Variants in GPX5 observed in about 807,000 individuals in gnomAD.
GPX5 encodes epididymal secretory glutathione peroxidase.
GPX5 carries 20 observed loss-of-function variants against 23.8 expected under a neutral mutation model. The ratio of observed to expected loss-of-function variants is 0.84; its 90% CI spans 0.59 to 1.22. GPX5 has a LOEUF of 1.22. Ranked by LOEUF, GPX5 falls within the 50% of genes most tolerant of loss-of-function variation. The pLI is 0.00. For synonymous variants in GPX5, 92 were observed against 99.5 expected (o/e 0.92, Z 0.45); for missense variants, 230 against 266.6 (o/e 0.86, Z 0.96).
chr6:28,527,634 A>C (rs547228466), intron 1 of GPX5: 1 of 152,356 alleles, frequency 6.6e-6, no homozygotes, highest in South Asian at 2.1e-4. Flanking sequence ...TTGTCTGGAC[A>C]TTCCTTATCA....
At position 28,534,356 on chromosome 6, in the gene GPX5, C is replaced by A; in HGVS notation, c.*189C>A. ...ACAAACTAGATTTATATTTGGAAGG[C>A]TACTGCTCTTTTGCCTCTCAAGAGT... is the stretch of plus-strand genomic sequence containing the variant. On this transcript the variant is annotated 3_prime_UTR_variant, in exon 5 of 5. Coordinates refer to ENST00000412168, the MANE Select transcript of GPX5 (RefSeq NM_001509.3). 1 of 461,284 alleles carries A rather than the reference C, an allele frequency of 2.2e-6. No homozygotes were observed. The highest frequency in any genetic ancestry group is 3.4e-5 in the East Asian group (1 of 29,808). 28.6% of individuals were successfully genotyped at this position (461,284 alleles called of 1,614,324 possible). A position where few individuals can be genotyped will look rare whatever the true frequency, so the allele number is the denominator to read the frequency against.
At chr6:28,531,379 AAAAAAAAAAAAAAAG>A (rs1763311699) in intron 2 of GPX5, among the ~76,000 whole-genome samples, 1 of 132,274 alleles carries the variant, frequency 7.6e-6, no homozygotes, top group African/African-American at 2.9e-5. Context: ...TCAAAAAAAA[AAAAAAAAAAAAAAAG>A]AAAAGAAAAG....
chr6:28,533,462 T>A (rs1224475930), intron 4 of GPX5, among the ~76,000 whole-genome samples: 1 of 152,222 alleles, frequency 6.6e-6, no homozygotes, highest in Non-Finnish European at 1.5e-5. Flanking sequence ...AGGACTTCCC[T>A]TTATTCACAA....
chr6:28,532,277 T>C, intron 3 of GPX5, 44 bp from the exon 4 acceptor site: 1 of 1,155,496 alleles, frequency 8.7e-7, no homozygotes, highest in Non-Finnish European at 1.2e-6. Flanking sequence ...TAATCTTTAC[T>C]TGCATATCCT....
At chr6:28,528,846 T>TGGTACA (rs1763258662) in intron 1 of GPX5, among the ~76,000 whole-genome samples, 1 of 10,944 alleles carries the variant, frequency 9.1e-5, no homozygotes, top group African/African-American at 7.6e-4. Flanking sequence ...TATATATATA[T>TGGTACA]ATATATATAT....
rs58554303 is a variant in GPX5, at chr6:28,531,790, T to C, written c.254T>C (p.Leu85Pro). 35,033 of 1,610,770 alleles carry C rather than the reference T, an allele frequency of 0.022. 461 individuals are homozygous for C. The highest frequency in any genetic ancestry group is 0.027 in the Non-Finnish European group (31,364 of 1,178,090). ...LTAQYPELNA[L>P]QEELKPYGLV... ...CCTCTAACTGCAGAACTAAATGCAC[T>C]CCAGGAGGAGCTGAAGCCCTATGGT... The change falls in exon 3 of 5, where the codon CTC becomes CCC. Residue 85 changes from leucine (L) to proline (P), a missense_variant. Transcript: ENST00000412168.
At chr6:28,529,705 A>C (rs1231323767) in intron 2 of GPX5, 101 bp downstream of exon 2, 1 of 925,928 alleles carries the variant, frequency 1.1e-6, no homozygotes, top group Non-Finnish European at 1.5e-6. Context: ...TTATGTACCA[A>C]AATAAATACT....
At chr6:28,531,938 T>C (rs1480657239) in intron 3 of GPX5, 43 bp downstream of exon 3, 1 of 1,375,332 alleles carries the variant, frequency 7.3e-7, no homozygotes, top group South Asian at 1.2e-5. Context: ...CCTGTGTACC[T>C]TTCCTCAGTC....
At chr6:28,529,738 C>T in intron 2 of GPX5, 134 bp downstream of exon 2, 1 of 789,088 alleles carries the variant, frequency 1.3e-6, no homozygotes, top group Non-Finnish European at 1.9e-6. Flanking sequence ...ACTTCATCCT[C>T]CATATCAGAA....
chr6:28,529,405 C>T (rs1763269609), intron 1 of GPX5, 46 bp from the exon 2 acceptor site: 1 of 1,469,360 alleles, frequency 6.8e-7, no homozygotes, highest in African/African-American at 1.4e-5. Flanking sequence ...ACACAGATGC[C>T]AGGAATTATT....
chr6:28,531,381 AAAAAAAAAAAAAGAAAAGAAAAG>A (rs1202728790), intron 2 of GPX5, among the ~76,000 whole-genome samples: 5 of 134,340 alleles, frequency 3.7e-5, no homozygotes, highest in Non-Finnish European at 7.8e-5. Flanking sequence ...AAAAAAAAAA[AAAAAAAAAAAAAGAAAAGAAAAG>A]AAAAGAAAAG....
chr6:28,533,914 C>A, intron 4 of GPX5, 47 bp from the exon 5 acceptor site: 1 of 1,303,808 alleles, frequency 7.7e-7, no homozygotes, highest in Admixed American at 2.4e-5. Context: ...CTGGATCATC[C>A]AGGAGCAGAA....
chr6:28,534,307 A>G lies in GPX5; in HGVS notation c.*140A>G. 1.9e-6 allele frequency: 1 copy of G among 521,578 alleles called. No homozygotes were observed. The highest frequency in any genetic ancestry group is 3.3e-6 in the Non-Finnish European group (1 of 302,132). 32.3% of individuals were successfully genotyped at this position (521,578 alleles called of 1,614,324 possible). ...CTCCACCTGAGTAAATCACCGCCACATACTGCCAGAATTCCCACTCTCCAC... is the reference window on the plus strand; with the variant it reads ...CTCCACCTGAGTAAATCACCGCCACGTACTGCCAGAATTCCCACTCTCCAC... On this transcript the variant is annotated 3_prime_UTR_variant, in exon 5 of 5. Transcript: ENST00000412168.
chr6:28,532,476 G>A (rs1763347853), intron 4 of GPX5, 56 bp downstream of exon 4: 3 of 1,167,554 alleles, frequency 2.6e-6, no homozygotes, highest in Admixed American at 2.1e-5. Flanking sequence ...CTAACATAGA[G>A]TTGGTGTGGC....
rs759178505 is a variant in GPX5, at chr6:28,534,144, T to C, written c.643T>C (p.Leu215=). 6.3e-7 allele frequency: 1 copy of C among 1,598,928 alleles called. No homozygotes were observed. Among genetic ancestry groups the C allele is most frequent in the Non-Finnish European group, 8.5e-7 (1 of 1,173,546 alleles). The change falls in exon 5 of 5, where the codon TTG becomes CTG. Residue 215 remains leucine, a synonymous_variant. Coordinates refer to ENST00000412168, the MANE Select transcript of GPX5 (RefSeq NM_001509.3). Reference sequence around the variant, plus strand: ...AGTCAAGACAGACATCCTGGCGTACTTGAAGCAATTCAAAACCAAATAGGA... The same window carrying C: ...AGTCAAGACAGACATCCTGGCGTACCTGAAGCAATTCAAAACCAAATAGGA... ...SSVKTDILAY[L]KQFKTK
In GPX5 at chr6:28,526,099, A is replaced by G. The variant is rs767924389; in HGVS notation, c.86A>G (p.Lys29Arg). The change falls in exon 1 of 5, where the codon AAG (lysine) becomes AGG (arginine). Residue 29 changes from lysine (K) to arginine (R), a missense_variant and splice_region_variant. Physicochemically the swap from Lys to Arg is conservative, Grantham distance 26 (BLOSUM62 2). Transcript: ENST00000412168. ...ACAAGTCCCAAGCAGGAGAAGATGAAGGTGAGTGAGCTTCAGAGAGGGCAT... is the reference window on the plus strand; with the variant it reads ...ACAAGTCCCAAGCAGGAGAAGATGAGGGTGAGTGAGCTTCAGAGAGGGCAT... ...VQTSPKQEKMKMDCHKDEKGT... is the reference protein window; with the variant it reads ...VQTSPKQEKMRMDCHKDEKGT... 3.1e-6 allele frequency: 5 copies of G among 1,611,092 alleles called. No homozygotes were observed. The highest frequency in any genetic ancestry group is 4.2e-6 in the Non-Finnish European group (5 of 1,178,428).
Position 28,529,610 on chromosome 6 carries a change from A to G in GPX5, c.241+6A>G, listed in dbSNP as rs748344139. 1.4e-4 allele frequency: 218 copies of G among 1,590,050 alleles called. No individual in the cohort carries two copies. The highest frequency in any genetic ancestry group is 1.8e-4 in the Non-Finnish European group (206 of 1,166,698). On this transcript the variant is annotated splice_donor_region_variant and intron_variant, in intron 2 of 4. Transcript: ENST00000412168. ...TCTGACAGCGCAATATCCTGGTAAG[A>G]GAATTCATAGTTACTTCTCTTTGGG... is the stretch of plus-strand genomic sequence containing the variant.
chr6:28,532,494 GAT>G, intron 4 of GPX5, 74 bp downstream of exon 4: 2 of 983,112 alleles, frequency 2.0e-6, no homozygotes, highest in Non-Finnish European at 3.1e-6. Context: ...GGCAGAAATG[GAT>G]CCAAGGGCTC....
At position 28,529,620 on chromosome 6, in the gene GPX5, G is replaced by T. The variant is rs1461953269; in HGVS notation, c.241+16G>T. 6.4e-7 allele frequency: 1 copy of T among 1,574,418 alleles called. No individual in the cohort carries two copies. The highest frequency in any genetic ancestry group is 8.6e-7 in the Non-Finnish European group (1 of 1,156,848). On this transcript the variant is annotated intron_variant, in intron 2 of 4. Coordinates refer to ENST00000412168, the MANE Select transcript of GPX5 (RefSeq NM_001509.3). ...CAATATCCTGGTAAGAGAATTCATA[G>T]TTACTTCTCTTTGGGACTAAATTTT...
Sources: gnomAD v4.1 joint callset for allele counts (sites outside exome capture counted in the v4.1 genomes callset) on GRCh38, gnomAD v4.1.1 for gene constraint, MANE v1.5 for transcripts, NCBI Gene and HGNC (gene_info 2026-07-23, HGNC 2026-07-21) for gene names.